CCDC85A: variants seen among roughly 807,000 people sequenced by gnomAD.
CCDC85A encodes coiled-coil domain containing 85A.
CCDC85A carries 38 observed loss-of-function variants against 50.2 expected under a neutral mutation model. The ratio of observed to expected loss-of-function variants is 0.76; its 90% CI spans 0.58 to 0.99. CCDC85A has a LOEUF of 0.99. CCDC85A is among the 50% of genes least tolerant of loss of function. The pLI is 0.00. For missense variants in CCDC85A, 820 were observed against 742.0 expected (o/e 1.11, Z -1.22); for synonymous variants, 366 against 301.4 (o/e 1.21, Z -2.22).
chr2:56,366,135 G>A (rs1269632888), intron 3 of CCDC85A, among the ~76,000 whole-genome samples: 1 of 152,084 alleles, frequency 6.6e-6, no homozygotes, highest in Non-Finnish European at 1.5e-5. Flanking sequence ...TATATAGATA[G>A]CACATTTTCT....
chr2:56,278,045 C>T (rs1281960471), intron 2 of CCDC85A, among the ~76,000 whole-genome samples: 3 of 152,148 alleles, frequency 2.0e-5, no homozygotes, highest in South Asian at 2.1e-4. Context: ...CCTTCAAAGA[C>T]CTTGCCATTG....
chr2:56,187,882 G>A (rs539303733), intron 1 of CCDC85A, among the ~76,000 whole-genome samples: 4 of 152,222 alleles, frequency 2.6e-5, no homozygotes, highest in African/African-American at 7.2e-5. Context: ...TCCCAGTTGG[G>A]GGCTGATTCG....
intron 2 of CCDC85A, among the ~76,000 whole-genome samples, chr2:56,250,090 T>A (rs558060268): frequency 6.6e-6 from 1 of 152,302 alleles, no homozygotes; most frequent in Admixed American, 6.5e-5. Context: ...CTCTAAAACG[T>A]GTAAGCAAGG....
At chr2:56,310,063 A>G (rs1672620377) in intron 2 of CCDC85A, among the ~76,000 whole-genome samples, 1 of 152,186 alleles carries the variant, frequency 6.6e-6, no homozygotes, top group Non-Finnish European at 1.5e-5. Context: ...GAGGAACTAA[A>G]GACCTAAATA....
intron 2 of CCDC85A, among the ~76,000 whole-genome samples, chr2:56,247,796 A>T (rs1215388779): frequency 6.6e-6 from 1 of 152,252 alleles, no homozygotes; most frequent in Non-Finnish European, 1.5e-5. Context: ...TGCCTTGTTT[A>T]ATTCTCTCCT....
intron 3 of CCDC85A, among the ~76,000 whole-genome samples, chr2:56,343,796 C>A (rs1674492554): frequency 1.3e-5 from 2 of 152,128 alleles, no homozygotes; most frequent in African/African-American, 2.4e-5. Flanking sequence ...CAAAATTATA[C>A]CTCAAACAAC....
At chr2:56,306,979 A>T (rs1321651072) in intron 2 of CCDC85A, among the ~76,000 whole-genome samples, 1 of 152,142 alleles carries the variant, frequency 6.6e-6, no homozygotes, top group Non-Finnish European at 1.5e-5. Flanking sequence ...TTGAAAATTT[A>T]GTATAGTGGT....
upstream of CCDC85A, chr2:56,183,988 C>T: frequency 9.1e-6 from 9 of 985,718 alleles, no homozygotes; most frequent in Non-Finnish European, 1.1e-5. Context: ...CACCCTCCAC[C>T]CCTTCTCGAC....
At chr2:56,186,390 A>G (rs868536972) in intron 1 of CCDC85A, among the ~76,000 whole-genome samples, 4 of 152,206 alleles carry the variant, frequency 2.6e-5, no homozygotes, top group Non-Finnish European at 4.4e-5. Context: ...CACCAATACA[A>G]TGCAATGATA....
chr2:56,355,600 A>T (rs1043785148), intron 3 of CCDC85A, among the ~76,000 whole-genome samples: 9 of 152,198 alleles, frequency 5.9e-5, no homozygotes, highest in Non-Finnish European at 1.0e-4. Context: ...GCAACCTTTG[A>T]ATTATTGTTC....
At chr2:56,352,009 C>G (rs1257803210) in intron 3 of CCDC85A, among the ~76,000 whole-genome samples, 1 of 152,048 alleles carries the variant, frequency 6.6e-6, no homozygotes, top group African/African-American at 2.4e-5. Flanking sequence ...GTCTTTAATC[C>G]ATCTTGAATT....
chr2:56,365,419 C>T (rs776572220), intron 3 of CCDC85A, among the ~76,000 whole-genome samples: 6 of 152,126 alleles, frequency 3.9e-5, no homozygotes, highest in Non-Finnish European at 7.4e-5. Context: ...TTCATATTAA[C>T]ATGCTTCTAA....
chr2:56,288,690 GC>G (rs557827580), intron 2 of CCDC85A, among the ~76,000 whole-genome samples: 14 of 147,410 alleles, frequency 9.5e-5, no homozygotes, highest in Admixed American at 1.4e-4. Flanking sequence ...TTCCCACCAT[GC>G]CCCCCCCACC....
At chr2:56,259,092 G>A (rs955582741) in intron 2 of CCDC85A, among the ~76,000 whole-genome samples, 3 of 152,280 alleles carry the variant, frequency 2.0e-5, no homozygotes, top group South Asian at 2.1e-4. Context: ...TTCCTGCAGC[G>A]ATTGCTAACT....
chr2:56,366,779 C>T (rs1256743043), intron 3 of CCDC85A, among the ~76,000 whole-genome samples: 3 of 152,298 alleles, frequency 2.0e-5, no homozygotes, highest in East Asian at 1.9e-4. Context: ...AAGAAGTCCT[C>T]TGCCTGCCGA....
At chr2:56,363,472 G>A (rs1387138041) in intron 3 of CCDC85A, among the ~76,000 whole-genome samples, 1 of 152,136 alleles carries the variant, frequency 6.6e-6, no homozygotes, top group African/African-American at 2.4e-5. Context: ...ATGTATCCTA[G>A]ATAGGTAGCT....
At chr2:56,231,656 C>A (rs1468961036) in intron 2 of CCDC85A, among the ~76,000 whole-genome samples, 3 of 151,942 alleles carry the variant, frequency 2.0e-5, no homozygotes, top group Non-Finnish European at 2.9e-5. Context: ...TGCCTAAAAC[C>A]TTAGAGAGTT....
intron 2 of CCDC85A, among the ~76,000 whole-genome samples, chr2:56,257,657 G>A (rs1328414667): frequency 2.6e-5 from 4 of 152,060 alleles, no homozygotes; most frequent in Non-Finnish European, 4.4e-5. Context: ...TGGAGGAGTG[G>A]GATAATAAAA....
At chr2:56,357,981 G>A (rs928805666) in intron 3 of CCDC85A, among the ~76,000 whole-genome samples, 1 of 152,124 alleles carries the variant, frequency 6.6e-6, no homozygotes, top group Non-Finnish European at 1.5e-5. Context: ...GGCCCCCCAT[G>A]GTTATTCTAT....
Sources: gnomAD v4.1 joint callset for allele counts (sites outside exome capture counted in the v4.1 genomes callset) on GRCh38, gnomAD v4.1.1 for gene constraint, MANE v1.5 for transcripts, NCBI Gene and HGNC (gene_info 2026-07-23, HGNC 2026-07-21) for gene names.